The following MTTP variants were observed in gnomAD, a reference collection of about 807,000 sequenced individuals.
MTTP encodes the protein microsomal triglyceride transfer protein large subunit.
Under a neutral mutation model 90.6 loss-of-function variants are expected in MTTP, and 49 were observed. The observed-to-expected ratio is 0.54, with a 90% CI of 0.43 to 0.69. MTTP has a LOEUF of 0.69. Ranked by LOEUF, MTTP falls within the 30% of genes least tolerant of loss-of-function variation. The pLI is 0.00. For synonymous variants in MTTP, 347 were observed against 384.2 expected (o/e 0.90, Z 1.13); for missense variants, 945 against 1,067.5 (o/e 0.89, Z 1.60).
At chr4:99,588,150 T>C (rs193051276) in intron 3 of MTTP, among the ~76,000 whole-genome samples, 2 of 149,758 alleles carry the variant, frequency 1.3e-5, no homozygotes, top group Admixed American at 1.3e-4. Flanking sequence ...ATTCTCTTCT[T>C]CTAAGGCACA....
chr4:99,581,118 A>G (rs1432864474), intron 1 of MTTP, among the ~76,000 whole-genome samples: 1 of 152,200 alleles, frequency 6.6e-6, no homozygotes, highest in Admixed American at 6.5e-5. Flanking sequence ...TTATGTGACC[A>G]TACATTTTAA....
intron 1 of MTTP, among the ~76,000 whole-genome samples, chr4:99,576,485 G>T (rs1184488336): frequency 1.3e-5 from 2 of 151,698 alleles, no homozygotes; most frequent in Non-Finnish European, 2.9e-5. Flanking sequence ...CACGAGGTCA[G>T]GAGATCGAGA....
At chr4:99,575,203 C>T (rs953184911) in intron 1 of MTTP, among the ~76,000 whole-genome samples, 5 of 152,134 alleles carry the variant, frequency 3.3e-5, no homozygotes, top group African/African-American at 1.2e-4. Flanking sequence ...GTTTCAGTTC[C>T]TCAGACCAGT....
At chr4:99,590,336 C>T (rs1287625523) in intron 4 of MTTP, among the ~76,000 whole-genome samples, 4 of 152,144 alleles carry the variant, frequency 2.6e-5, no homozygotes, top group East Asian at 1.9e-4. Flanking sequence ...ATGATCCACC[C>T]GCCTTGGCCT....
chr4:99,600,758 C>A (rs767065682), intron 9 of MTTP, 25 bp downstream of exon 9: 1 of 1,607,142 alleles, frequency 6.2e-7, no homozygotes. Context: ...AAATAAAGAC[C>A]CTCAACTCCT....
chr4:99,601,411 T>A (rs1725694294), intron 9 of MTTP, among the ~76,000 whole-genome samples, 196 bp from the exon 10 acceptor site: 1 of 139,678 alleles, frequency 7.2e-6, no homozygotes, highest in African/African-American at 2.5e-5. Context: ...AGGTTAAAAA[T>A]CCCTGAAAAG....
intron 2 of MTTP, 53 bp from the exon 3 acceptor site, chr4:99,583,318 CTGA>C: frequency 6.4e-7 from 1 of 1,562,104 alleles, no homozygotes; most frequent in Non-Finnish European, 8.7e-7. Flanking sequence ...CAGAGATACT[CTGA>C]TGAAGACAGA....
At chr4:99,575,746 C>T (rs529891383) in intron 1 of MTTP, among the ~76,000 whole-genome samples, 9 of 152,260 alleles carry the variant, frequency 5.9e-5, no homozygotes, top group South Asian at 2.1e-4. Flanking sequence ...TTATAAACAT[C>T]GGTTTTCCAA....
intron 1 of MTTP, chr4:99,564,453 T>C: frequency 2.0e-6 from 1 of 511,440 alleles, no homozygotes; most frequent in Non-Finnish European, 3.4e-6. Context: ...ATAAAATGCA[T>C]TTAAATTTAG....
At chr4:99,599,146 A>C (rs1455741209) in intron 8 of MTTP, among the ~76,000 whole-genome samples, 1 of 152,226 alleles carries the variant, frequency 6.6e-6, no homozygotes, top group Non-Finnish European at 1.5e-5. Context: ...CAAAAAGGAA[A>C]AGATTCTGTG....
chr4:99,611,172 T>C lies in MTTP; in HGVS notation c.1799T>C (p.Met600Thr). 1.2e-6 allele frequency: 2 copies of C among 1,614,006 alleles called. No individual in the cohort carries two copies. Among genetic ancestry groups the C allele is most frequent in the Non-Finnish European group, 8.5e-7 (1 of 1,179,970 alleles). The change falls in exon 13 of 18, where the codon ATG (methionine) becomes ACG (threonine). Residue 600 changes from methionine to threonine, a missense_variant. Transcript: ENST00000265517. ...ATTGTCCGTCGAGTTCTGAAGGAAA[T>C]GGTCGCTCACAATTATGACCGTTTC... is the stretch of plus-strand genomic sequence containing the variant. ...SKIVRRVLKEMVAHNYDRFSR... is the reference protein window; with the variant it reads ...SKIVRRVLKETVAHNYDRFSR...
intron 1 of MTTP, among the ~76,000 whole-genome samples, chr4:99,565,805 G>A (rs1466184869): frequency 6.6e-6 from 1 of 152,290 alleles, no homozygotes; most frequent in East Asian, 1.9e-4. Context: ...TGTCAGAAAA[G>A]TGAAGAAGTT....
rs374820674 is a variant in MTTP, at chr4:99,600,646, T to C, written c.1149T>C (p.Ser383=). Residue 383 remains serine, a synonymous_variant, in exon 9 of 18, where the codon AGT becomes AGC. Transcript: ENST00000265517. ...TTTTGGACTTTTTGGATTTCAAAAGTGACAGCAGCATTATCCTCCAGGAGA... is the reference window on the plus strand; with the variant it reads ...TTTTGGACTTTTTGGATTTCAAAAGCGACAGCAGCATTATCCTCCAGGAGA... ...EAILDFLDFK[S]DSSIILQERF... 213 of 1,613,776 alleles carry C rather than the reference T, an allele frequency of 1.3e-4. No individual in the cohort carries two copies. The highest frequency in any genetic ancestry group is 1.7e-4 in the Non-Finnish European group (199 of 1,179,832).
chr4:99,605,785 T>C (rs1725800192), intron 10 of MTTP, among the ~76,000 whole-genome samples: 1 of 152,098 alleles, frequency 6.6e-6, no homozygotes, highest in Non-Finnish European at 1.5e-5. Flanking sequence ...AAGTGTGATG[T>C]TTAGCATCTT....
intron 4 of MTTP, among the ~76,000 whole-genome samples, chr4:99,590,601 A>T (rs1046243896): frequency 6.6e-6 from 1 of 152,162 alleles, no homozygotes; most frequent in African/African-American, 2.4e-5. Context: ...ATCTGATGGT[A>T]GGGTTGGACC....
chr4:99,573,660 A>C (rs1294886815), upstream of MTTP, among the ~76,000 whole-genome samples: 3 of 152,170 alleles, frequency 2.0e-5, no homozygotes, highest in Non-Finnish European at 4.4e-5. Context: ...TGTCTGTATC[A>C]AGTCTACTAT....
At chr4:99,588,832 T>C (rs1389218009) in intron 3 of MTTP, among the ~76,000 whole-genome samples, 91 of 304 alleles carry the variant, frequency 0.3, 5 homozygotes, top group South Asian at 0.5. Flanking sequence ...TATATGTTCA[T>C]ATATATACAC....
chr4:99,574,743 A>G, upstream of MTTP: 1 of 1,491,666 alleles, frequency 6.7e-7, no homozygotes, highest in Non-Finnish European at 9.1e-7. Flanking sequence ...CCCTTCAGTG[A>G]ACTTAGGTCC....
At chr4:99,609,029 C>A in intron 12 of MTTP, 52 bp downstream of exon 12, 2 of 1,476,518 alleles carry the variant, frequency 1.4e-6, no homozygotes, top group South Asian at 2.3e-5. Context: ...TTTGTGTGTT[C>A]ATGGGGTACC....
Sources: gnomAD v4.1 joint callset for allele counts (sites outside exome capture counted in the v4.1 genomes callset) on GRCh38, gnomAD v4.1.1 for gene constraint, MANE v1.5 for transcripts, NCBI Gene and HGNC (gene_info 2026-07-23, HGNC 2026-07-21) for gene names.